Variants in ZHX1 observed in about 807,000 individuals in gnomAD.
ZHX1 encodes the protein zinc fingers and homeoboxes protein 1.
A neutral mutation model predicts 61.8 loss-of-function variants in ZHX1; 20 were observed. That is an observed-to-expected ratio of 0.32 (90% CI 0.23 to 0.47). The LOEUF (loss-of-function observed/expected upper bound fraction) is 0.47, where lower values mean the gene tolerates loss of function less well. Ranked by LOEUF, ZHX1 falls within the 20% of genes least tolerant of loss-of-function variation. ZHX1 has a pLI of 1.00. For synonymous variants in ZHX1, 318 were observed against 352.6 expected (o/e 0.90, Z 1.10); for missense variants, 800 against 1,034.8 (o/e 0.77, Z 3.11).
At chr8:123,275,429 C>G (rs563161765), upstream of ZHX1, 1 of 152,770 alleles carries the variant, frequency 6.5e-6, no homozygotes, top group Non-Finnish European at 1.5e-5. Flanking sequence ...CAGTCGCGGA[C>G]CCTTTGTGCA....
At chr8:123,256,256 A>G (rs1826067055) in intron 2 of ZHX1, 85 bp from the exon 3 acceptor site, 1 of 208,524 alleles carries the variant, frequency 4.8e-6, no homozygotes, top group African/African-American at 2.3e-5. Context: ...ACTTATATGA[A>G]GTGGCTGGAT....
chr8:123,265,900 C>A (rs932043044), intron 2 of ZHX1, among the ~76,000 whole-genome samples: 16 of 152,090 alleles, frequency 1.1e-4, no homozygotes, highest in African/African-American at 3.6e-4. Context: ...GGTAAGAAAC[C>A]CTATCCTCTC....
intron 1 of ZHX1, among the ~76,000 whole-genome samples, chr8:123,272,893 G>C (rs905182011): frequency 6.6e-6 from 1 of 151,686 alleles, no homozygotes; most frequent in Non-Finnish European, 1.5e-5. Context: ...AACTGCTTAA[G>C]TTACATGGAA....
At position 123,255,977 on chromosome 8, in the gene ZHX1, A is replaced by G. The variant is rs1826060502; in HGVS notation, c.-31T>C. 6 of 1,552,392 alleles carry G rather than the reference A, an allele frequency of 3.9e-6. No homozygotes were observed. Among genetic ancestry groups the G allele is most frequent in the Non-Finnish European group, 5.2e-6 (6 of 1,150,184 alleles). ...TGTTATGAGGAAAAGCTCAGTGGTG[A>G]TTAAAAAGCATCGAGGCTTAAAACT... On this transcript the variant is annotated 5_prime_UTR_variant, in exon 3 of 4. Coordinates refer to ENST00000395571, the MANE Select transcript of ZHX1 (RefSeq NM_007222.5).
At chr8:123,264,565 C>CT (rs967192161) in intron 2 of ZHX1, among the ~76,000 whole-genome samples, 1 of 151,796 alleles carries the variant, frequency 6.6e-6, no homozygotes, top group Non-Finnish European at 1.5e-5. Context: ...TAAAAACAAA[C>CT]TTTTTTTTCT....
In ZHX1 at chr8:123,256,954, T is replaced by C. The variant is rs151193768; in HGVS notation, c.-225-783A>G. The stretch of plus-strand genomic sequence containing the variant: ...TATTTTTTGAGACAGAGTCTCACTC[T>C]GCCACCCAGGCTGGAGTGCAGTGGC... On this transcript the variant is annotated intron_variant, in intron 2 of 3. Coordinates refer to ENST00000395571, the MANE Select transcript of ZHX1 (RefSeq NM_007222.5). 241 of 152,260 alleles carry C rather than the reference T, an allele frequency of 1.6e-3. 1 individual carries two copies. Among genetic ancestry groups the C allele is most frequent in the African/African-American group, 5.7e-3 (237 of 41,532 alleles). 9.4% of individuals were successfully genotyped at this position (152,260 alleles called of 1,614,324 possible). A position where few individuals can be genotyped will look rare whatever the true frequency, so the allele number is the denominator to read the frequency against.
chr8:123,273,132 A>T (rs1359738491), intron 1 of ZHX1, among the ~76,000 whole-genome samples: 1 of 151,984 alleles, frequency 6.6e-6, no homozygotes. Flanking sequence ...CAGCTGCTGG[A>T]TCCTTCACTA....
At chr8:123,272,670 T>C (rs1034170533) in intron 1 of ZHX1, among the ~76,000 whole-genome samples, 8 of 152,100 alleles carry the variant, frequency 5.3e-5, no homozygotes, top group African/African-American at 1.7e-4. Context: ...TAACACAAAT[T>C]AAAGCTTTCA....
At position 123,249,370 on chromosome 8, in the gene ZHX1, G is replaced by C. The variant is rs867249807; in HGVS notation, c.*954C>G. ...CTTTTAACTCATTATGATCAGTTCA[G>C]AATTTTTTCTCTATTCACTGAAACT... On this transcript the variant is annotated 3_prime_UTR_variant, in exon 4 of 4. Transcript: ENST00000395571. The C allele has an allele frequency of 2.0e-5, 3 of 152,106 alleles. No individual in the cohort carries two copies. The allele number at this position is 152,106 out of a possible 1,614,324, so 9.4% of individuals were successfully genotyped here.
At chr8:123,269,083 G>A (rs73703791) in intron 1 of ZHX1, among the ~76,000 whole-genome samples, 9,041 of 152,228 alleles carry the variant, frequency 0.059, 873 homozygotes, top group African/African-American at 0.21. Flanking sequence ...GGACTCTACA[G>A]TTTCATTTCC....
intron 2 of ZHX1, among the ~76,000 whole-genome samples, chr8:123,266,946 A>G (rs1181688482): frequency 6.6e-6 from 1 of 152,164 alleles, no homozygotes; most frequent in African/African-American, 2.4e-5. Flanking sequence ...CCCCATACCA[A>G]AGGTACATTT....
intron 2 of ZHX1, among the ~76,000 whole-genome samples, chr8:123,263,903 AT>A (rs1826369404): frequency 6.6e-6 from 1 of 152,234 alleles, no homozygotes; most frequent in African/African-American, 2.4e-5. Context: ...TTAAACACTC[AT>A]TTATAGAAGA....
chr8:123,257,174 C>T (rs1208660355), intron 2 of ZHX1: 2 of 152,250 alleles, frequency 1.3e-5, no homozygotes, highest in East Asian at 1.9e-4. Flanking sequence ...CCGCTTTGGC[C>T]TCCAAAAGTG....
chr8:123,258,416 T>C (rs1586825850), intron 2 of ZHX1, among the ~76,000 whole-genome samples: 9 of 152,202 alleles, frequency 5.9e-5, no homozygotes, highest in Non-Finnish European at 1.3e-4. Flanking sequence ...CTAAATTACC[T>C]AGCTCTGGGT....
In ZHX1 at chr8:123,254,706, G is replaced by A. The variant is rs1462994997; in HGVS notation, c.1241C>T (p.Ala414Val). The A allele has an allele frequency of 1.2e-6, 2 of 1,614,174 alleles. No individual in the cohort carries two copies. The highest frequency in any genetic ancestry group is 1.7e-6 in the Non-Finnish European group (2 of 1,180,030). ...TNTLPVTAPI[A>V]LTVAGVPSQN... ...ACTTGGAACGCCTGCCACTGTCAAG[G>A]CTATAGGTGCTGTAACTGGCAAGGT... is the stretch of plus-strand genomic sequence containing the variant. Residue 414 changes from alanine (A) to valine (V), a missense_variant, in exon 3 of 4, where the codon GCC (alanine) becomes GTC (valine). By Grantham distance (64) the Ala-to-Val change is moderately conservative. Transcript: ENST00000395571. This position sits in a 1 kb window ranked among gnomAD's most constrained non-coding sequence, Gnocchi z 4.1.
chr8:123,270,785 CAAAA>C (rs57900168), intron 1 of ZHX1, among the ~76,000 whole-genome samples: 1 of 57,966 alleles, frequency 1.7e-5, no homozygotes, highest in African/African-American at 5.7e-5. Flanking sequence ...GACCCCGTCT[CAAAA>C]AAAAAAAAAA....
chr8:123,270,977 G>A (rs1826634209), intron 1 of ZHX1, among the ~76,000 whole-genome samples: 1 of 151,932 alleles, frequency 6.6e-6, no homozygotes, highest in Admixed American at 6.6e-5. Context: ...ATCAAAACCT[G>A]GCAACTACAT....
chr8:123,269,372 T>C (rs1259654058), intron 1 of ZHX1, among the ~76,000 whole-genome samples: 1 of 152,144 alleles, frequency 6.6e-6, no homozygotes, highest in Non-Finnish European at 1.5e-5. Flanking sequence ...TGAATGAAAA[T>C]CCTAGTTGCC....
At chr8:123,261,542 G>A (rs1158751141) in intron 2 of ZHX1, among the ~76,000 whole-genome samples, 1 of 152,196 alleles carries the variant, frequency 6.6e-6, no homozygotes, top group Non-Finnish European at 1.5e-5. Context: ...GGTACCAGCA[G>A]TGAAGCAAGG....
Sources: gnomAD v4.1 joint callset for allele counts (sites outside exome capture counted in the v4.1 genomes callset) on GRCh38, gnomAD v4.1.1 for gene constraint, Gnocchi (gnomAD v3.1) non-coding constraint, MANE v1.5 for transcripts, NCBI Gene and HGNC (gene_info 2026-07-23, HGNC 2026-07-21) for gene names.